SORBS2: variants seen among roughly 807,000 people sequenced by gnomAD.
SORBS2 encodes the protein sorbin and SH3 domain-containing protein 2.
SORBS2 carries 46 observed loss-of-function variants against 97.7 expected under a neutral mutation model. That is an observed-to-expected ratio of 0.47 (90% CI 0.37 to 0.60). The LOEUF is 0.60. Among genes scored for constraint, SORBS2 ranks in the 20% least tolerant of loss-of-function variants. The pLI is 0.00. For missense variants in SORBS2, 1,316 were observed against 1,282.3 expected (o/e 1.03, Z -0.40); for synonymous variants, 476 against 473.4 (o/e 1.01, Z -0.07).
intron 4 of SORBS2, among the ~76,000 whole-genome samples, chr4:185,632,795 G>A (rs2096929517): frequency 6.6e-6 from 1 of 152,148 alleles, no homozygotes; most frequent in Non-Finnish European, 1.5e-5. Flanking sequence ...TTAGGGTTAG[G>A]CTAAGAAACT....
At chr4:185,816,900 C>T (rs973838952) in intron 1 of SORBS2, among the ~76,000 whole-genome samples, 17 of 152,162 alleles carry the variant, frequency 1.1e-4, no homozygotes, top group Non-Finnish European at 8.8e-5. Flanking sequence ...CCTATTAACA[C>T]AAAAACACTG....
intron 1 of SORBS2, among the ~76,000 whole-genome samples, chr4:185,844,417 C>G (rs1250156564): frequency 1.3e-5 from 2 of 151,746 alleles, no homozygotes; most frequent in Non-Finnish European, 2.9e-5. Flanking sequence ...GAGCACTTCA[C>G]ACCCATGAGA....
At position 185,623,697 on chromosome 4, in the gene SORBS2, T is replaced by C. The variant is rs1182824230; in HGVS notation, c.1432A>G (p.Asn478Asp). Residue 478 changes from asparagine (N) to aspartate (D), a missense_variant, in exon 7 of 15, where the codon AAC becomes GAC. By Grantham distance (23) the Asn-to-Asp change is conservative (BLOSUM62 1). Coordinates refer to ENST00000418609, the Ensembl canonical transcript of SORBS2. The surrounding 1 kb of genome is among the most constrained non-coding windows in gnomAD (Gnocchi z 6.4). ...TCAATGTGAATGGGCACCAGGGCGTTAGACTGGCAGCCTCGCCGGCCCCGA... is the reference window on the plus strand; with the variant it reads ...TCAATGTGAATGGGCACCAGGGCGTCAGACTGGCAGCCTCGCCGGCCCCGA... The C allele has an allele frequency of 1.1e-5, 17 of 1,613,926 alleles. No homozygotes were observed. The highest frequency in any genetic ancestry group is 1.4e-5 in the Non-Finnish European group (17 of 1,180,008).
intron 4 of SORBS2, 30 bp downstream of exon 16, chr4:185,635,325 T>C (rs745474667): frequency 7.3e-6 from 11 of 1,511,844 alleles, no homozygotes; most frequent in Non-Finnish European, 1.0e-5. Flanking sequence ...AAGGGAGATA[T>C]CTGAAAAAGA....
intron 1 of SORBS2, among the ~76,000 whole-genome samples, chr4:185,881,664 C>T (rs1290641473): frequency 7.9e-5 from 12 of 152,024 alleles, no homozygotes. Context: ...GCAAAAATGC[C>T]AGGAATGGAG....
chr4:185,816,073 TAG>T (rs1308657531), intron 1 of SORBS2, among the ~76,000 whole-genome samples: 1 of 152,214 alleles, frequency 6.6e-6, no homozygotes, highest in Non-Finnish European at 1.5e-5. Flanking sequence ...GCTACTCTGG[TAG>T]AGAGTATTGG....
intron 12 of SORBS2, among the ~76,000 whole-genome samples, chr4:185,602,934 T>C (rs2096298562): frequency 6.6e-6 from 1 of 152,226 alleles, no homozygotes; most frequent in Admixed American, 6.5e-5. Context: ...GATTTCCTCC[T>C]AAATAGGAGA....
At chr4:185,793,891 G>A (rs1035712119) in intron 1 of SORBS2, among the ~76,000 whole-genome samples, 3 of 152,130 alleles carry the variant, frequency 2.0e-5, no homozygotes, top group Admixed American at 6.5e-5. Flanking sequence ...ACATGGCAGC[G>A]GCCACACCTC....
chr4:185,802,940 G>C (rs1011992249), intron 1 of SORBS2, among the ~76,000 whole-genome samples: 1 of 152,190 alleles, frequency 6.6e-6, no homozygotes. Context: ...GTTAGCGAGA[G>C]TGCATGCAGA....
intron 2 of SORBS2, among the ~76,000 whole-genome samples, chr4:185,701,807 G>A (rs2098266945): frequency 6.8e-6 from 1 of 147,360 alleles, no homozygotes; most frequent in Non-Finnish European, 1.5e-5. Context: ...GTCTTGCTCT[G>A]TTGCCAGGCT....
At chr4:185,774,279 T>C (rs2098988751) in intron 2 of SORBS2, 1 of 152,170 alleles carries the variant, frequency 6.6e-6, no homozygotes, top group African/African-American at 2.4e-5. Flanking sequence ...GAAGTCTGTG[T>C]TGGGGAGAAC....
intron 2 of SORBS2, among the ~76,000 whole-genome samples, chr4:185,766,921 G>T (rs1361473114): frequency 6.6e-6 from 1 of 151,900 alleles, no homozygotes; most frequent in Non-Finnish European, 1.5e-5. Flanking sequence ...GAGAACAAGA[G>T]AATAATGTTT....
chr4:185,899,194 T>A (rs913113896), intron 1 of SORBS2, among the ~76,000 whole-genome samples: 1 of 151,822 alleles, frequency 6.6e-6, no homozygotes, highest in Non-Finnish European at 1.5e-5. Flanking sequence ...TGGCTGGAGG[T>A]AAGAAGCACC....
intron 1 of SORBS2, among the ~76,000 whole-genome samples, chr4:185,808,811 A>G (rs2102018): frequency 0.99 from 150,749 of 152,310 alleles, 74,623 homozygotes; most frequent in Middle Eastern, 1. Flanking sequence ...ATAATCGGCT[A>G]CTAATCATCA....
intron 4 of SORBS2, among the ~76,000 whole-genome samples, chr4:185,672,309 G>A (rs190885411): frequency 1.3e-5 from 2 of 152,348 alleles, no homozygotes; most frequent in South Asian, 4.1e-4. Context: ...CTGTGAAGGT[G>A]AGGCTTTGGC....
intron 6 of SORBS2, among the ~76,000 whole-genome samples, chr4:185,626,220 A>G (rs1367954342): frequency 6.6e-6 from 1 of 152,248 alleles, no homozygotes; most frequent in African/African-American, 2.4e-5. Context: ...CAGTGATATC[A>G]TTATGGTTTG....
intron 1 of SORBS2, among the ~76,000 whole-genome samples, chr4:185,930,621 GA>G (rs371175511): frequency 3.3e-5 from 5 of 152,214 alleles, no homozygotes; most frequent in Non-Finnish European, 7.4e-5. Flanking sequence ...TAAACTGGGG[GA>G]TTTTGAATCC....
At chr4:185,587,766 T>TA (rs1213464002) in intron 14 of SORBS2, 78 bp from the exon 27 acceptor site, 1 of 1,148,000 alleles carries the variant, frequency 8.7e-7, no homozygotes, top group East Asian at 2.4e-5. Context: ...ACTTCCCATT[T>TA]ACAAGGCCTC....
At chr4:185,683,285 C>T (rs759367947) in intron 2 of SORBS2, among the ~76,000 whole-genome samples, 8 of 151,534 alleles carry the variant, frequency 5.3e-5, no homozygotes, top group African/African-American at 1.5e-4. Flanking sequence ...TCTATGAAGT[C>T]GAGTTATATG....
Sources: gnomAD v4.1 joint callset for allele counts (sites outside exome capture counted in the v4.1 genomes callset) on GRCh38, gnomAD v4.1.1 for gene constraint, Gnocchi (gnomAD v3.1) non-coding constraint, MANE v1.5 for transcripts, NCBI Gene and HGNC (gene_info 2026-07-23, HGNC 2026-07-21) for gene names.